The following GALNT13 variants were observed in gnomAD, a reference collection of about 807,000 sequenced individuals.
GALNT13 encodes the protein UDP-GalNAc:polypeptide N-acetylgalactosaminyltransferase 13.
GALNT13 carries 28 observed loss-of-function variants against 64.2 expected under a neutral mutation model. The ratio of observed to expected loss-of-function variants is 0.44; its 90% CI spans 0.32 to 0.60. GALNT13 has a LOEUF of 0.60. Ranked by LOEUF, GALNT13 falls within the 20% of genes least tolerant of loss-of-function variation. The probability of loss-of-function intolerance (pLI) is 0.05; values close to 1 mark genes in which losing one functional copy is unlikely to be tolerated. For missense variants in GALNT13, 577 were observed against 669.8 expected (o/e 0.86, Z 1.53); for synonymous variants, 214 against 224.6 (o/e 0.95, Z 0.42).
the GALNT13 span, among the ~76,000 whole-genome samples, chr2:153,532,287 C>T: frequency 1.3e-5 from 2 of 152,116 alleles, no homozygotes; most frequent in Non-Finnish European, 2.9e-5. Context: ...TGGAAGCCAC[C>T]CCTCTGAAGG....
At chr2:153,207,666 G>C in the GALNT13 span, among the ~76,000 whole-genome samples, 1 of 151,956 alleles carries the variant, frequency 6.6e-6, no homozygotes, top group Non-Finnish European at 1.5e-5. Flanking sequence ...ATAATGATTT[G>C]GTTTACAAGT....
At chr2:154,342,826 G>A (rs1178272211) in intron 9 of GALNT13, among the ~76,000 whole-genome samples, 1 of 79,344 alleles carries the variant, frequency 1.3e-5, no homozygotes, top group Non-Finnish European at 2.4e-5. Flanking sequence ...AAGAGTGTGC[G>A]TGTGTGTGTG....
chr2:153,224,052 T>C, the GALNT13 span, among the ~76,000 whole-genome samples: 1 of 152,098 alleles, frequency 6.6e-6, no homozygotes, highest in African/African-American at 2.4e-5. Flanking sequence ...ATAGCATAAG[T>C]AAATGTATTA....
At chr2:153,444,547 A>G in the GALNT13 span, among the ~76,000 whole-genome samples, 2 of 152,208 alleles carry the variant, frequency 1.3e-5, no homozygotes, top group Non-Finnish European at 2.9e-5. Context: ...ACTATTTTAT[A>G]TGCATAATGA....
the GALNT13 span, among the ~76,000 whole-genome samples, chr2:153,169,072 C>T: frequency 6.6e-6 from 1 of 152,050 alleles, no homozygotes; most frequent in Admixed American, 6.5e-5. Flanking sequence ...GCTTCAGATG[C>T]AGTCACTTGC....
intron 2 of GALNT13, among the ~76,000 whole-genome samples, chr2:153,920,010 G>A (rs1689644140): frequency 6.8e-6 from 1 of 147,478 alleles, no homozygotes; most frequent in Non-Finnish European, 1.5e-5. Context: ...ATATATAACA[G>A]TTATATATAT....
intron 3 of GALNT13, among the ~76,000 whole-genome samples, chr2:153,986,850 T>C (rs571839511): frequency 1.3e-5 from 2 of 152,058 alleles, no homozygotes; most frequent in Non-Finnish European, 2.9e-5. Context: ...CTGGTAAAAC[T>C]TGTATTTCAT....
chr2:154,395,106 T>C (rs1050817974), intron 9 of GALNT13, among the ~76,000 whole-genome samples: 3 of 152,324 alleles, frequency 2.0e-5, no homozygotes, highest in African/African-American at 2.4e-5. Flanking sequence ...GCATGTTGCA[T>C]AGTGGCCTTA....
At chr2:154,002,643 T>G (rs1695986590) in intron 3 of GALNT13, among the ~76,000 whole-genome samples, 1 of 152,222 alleles carries the variant, frequency 6.6e-6, no homozygotes, top group Non-Finnish European at 1.5e-5. Flanking sequence ...TCTTTAATTC[T>G]TCTGGCTCCA....
At chr2:153,250,861 C>T in the GALNT13 span, among the ~76,000 whole-genome samples, 1 of 151,838 alleles carries the variant, frequency 6.6e-6, no homozygotes, top group African/African-American at 2.4e-5. Context: ...GGACATTACA[C>T]ACCAGGGCCT....
intron 4 of GALNT13, among the ~76,000 whole-genome samples, chr2:154,200,358 G>A (rs1412653137): frequency 6.6e-6 from 1 of 152,048 alleles, no homozygotes; most frequent in African/African-American, 2.4e-5. Context: ...ATGAACTGTG[G>A]TCTGGTAAGA....
chr2:153,987,507 T>G (rs1026495040), intron 3 of GALNT13, among the ~76,000 whole-genome samples: 1 of 151,894 alleles, frequency 6.6e-6, no homozygotes, highest in Admixed American at 6.6e-5. Flanking sequence ...ATGGGAGAGA[T>G]TAAATATGTA....
chr2:154,405,144 C>G (rs1204180411), intron 10 of GALNT13, among the ~76,000 whole-genome samples: 1 of 151,746 alleles, frequency 6.6e-6, no homozygotes, highest in Non-Finnish European at 1.5e-5. Flanking sequence ...AATAAATGCT[C>G]TAAATGATAG....
At chr2:153,137,758 C>A in the GALNT13 span, among the ~76,000 whole-genome samples, 1 of 151,712 alleles carries the variant, frequency 6.6e-6, no homozygotes, top group East Asian at 1.9e-4. Context: ...TTACTGTAAC[C>A]TACTTGTCTT....
chr2:153,391,349 A>G, the GALNT13 span, among the ~76,000 whole-genome samples: 3 of 152,036 alleles, frequency 2.0e-5, no homozygotes, highest in African/African-American at 7.2e-5. Flanking sequence ...CTCATTCCAC[A>G]CTGTAGATGG....
chr2:153,350,518 G>T, the GALNT13 span, among the ~76,000 whole-genome samples: 2 of 151,728 alleles, frequency 1.3e-5, no homozygotes, highest in Non-Finnish European at 2.9e-5. Context: ...TAGTAGCTGG[G>T]ACTACAGGCA....
the GALNT13 span, among the ~76,000 whole-genome samples, chr2:153,729,680 A>G: frequency 7.9e-5 from 12 of 152,194 alleles, no homozygotes; most frequent in South Asian, 4.1e-4. Flanking sequence ...TCATCCAGAT[A>G]GAAAAAAGAG....
chr2:154,141,195 G>A (rs1177738287), intron 4 of GALNT13, among the ~76,000 whole-genome samples: 1 of 152,116 alleles, frequency 6.6e-6, no homozygotes, highest in African/African-American at 2.4e-5. Context: ...TGTAGTGAAT[G>A]TGAAGGCTTA....
chr2:154,289,798 T>A (rs149786571), intron 8 of GALNT13, among the ~76,000 whole-genome samples: 27 of 152,318 alleles, frequency 1.8e-4, no homozygotes, highest in African/African-American at 6.3e-4. Flanking sequence ...GTTAGAGGTG[T>A]GTTCCAGTTT....
Sources: allele counts gnomAD v4.1 joint callset (sites outside exome capture counted in the v4.1 genomes callset), GRCh38; gene constraint gnomAD v4.1.1; transcripts MANE v1.5; gene names NCBI Gene and HGNC (gene_info 2026-07-23, HGNC 2026-07-21).